DNAH14: variants seen among roughly 807,000 people sequenced by gnomAD.
The protein encoded by DNAH14 is axonemal beta dynein heavy chain 14.
DNAH14 carries 478 observed loss-of-function variants against 520.9 expected under a neutral mutation model. The observed-to-expected ratio is 0.92, with a 90% CI of 0.85 to 0.99. DNAH14 has a LOEUF of 0.99. DNAH14 is among the 50% of genes least tolerant of loss of function. The pLI, the probability that DNAH14 is intolerant of heterozygous loss-of-function variation, is 0.00. For missense variants in DNAH14, 4,831 were observed against 5,234.5 expected (o/e 0.92, Z 2.38); for synonymous variants, 1,581 against 1,757.2 (o/e 0.90, Z 2.51).
In DNAH14 at chr1:225,266,752, GAA is replaced by G; in HGVS notation, c.7528_7529del (p.Asn2510TyrfsTer20). 6.6e-7 allele frequency: 1 copy of G among 1,511,640 alleles called. No individual in the cohort carries two copies. Among genetic ancestry groups the G allele is most frequent in the Non-Finnish European group, 8.8e-7 (1 of 1,135,056 alleles). 93.6% of individuals were successfully genotyped at this position (1,511,640 alleles called of 1,614,324 possible). ...LLDLGGVYDTEKNTWKNIQDL... is the reference protein window; with the variant it reads ...LLDLGGVYDTXKNTWKNIQDL... The stretch of plus-strand genomic sequence containing the variant: ...AGATTTGGGAGGAGTTTATGATACT[GAA>G]AAAAATACATGGAAGGTACAGTATA... On this transcript the variant is annotated frameshift_variant, in exon 49 of 86. Transcript: ENST00000682510. LOFTEE classifies it high-confidence loss of function.
chr1:225,388,332 C>A, intron 81 of DNAH14, 47 bp from the exon 82 acceptor site: 3 of 1,247,408 alleles, frequency 2.4e-6, no homozygotes, highest in South Asian at 1.4e-5. Context: ...CTAATGACCC[C>A]AAAGACAAAG....
intron 60 of DNAH14, among the ~76,000 whole-genome samples, chr1:225,315,265 C>T (rs1297207377): frequency 6.6e-6 from 1 of 151,588 alleles, no homozygotes; most frequent in Non-Finnish European, 1.5e-5. Flanking sequence ...ACGAAGTTTT[C>T]GTGCTGGGTT....
At chr1:225,043,653 G>A (rs1270995078) in intron 13 of DNAH14, 91 bp from the exon 14 acceptor site, 3 of 939,500 alleles carry the variant, frequency 3.2e-6, no homozygotes, top group Non-Finnish European at 4.8e-6. Context: ...TAGGATATGT[G>A]TAAAGCACTG....
chr1:224,978,785 T>C (rs1430820527), intron 8 of DNAH14, among the ~76,000 whole-genome samples: 1 of 152,072 alleles, frequency 6.6e-6, no homozygotes, highest in African/African-American at 2.4e-5. Context: ...GCTACAGGCA[T>C]GCACCACCAT....
chr1:225,324,696 C>T (rs6668011), intron 63 of DNAH14, 41 bp from the exon 64 acceptor site: 79,589 of 1,484,124 alleles, frequency 0.054, 3,543 homozygotes, highest in African/African-American at 0.24. Flanking sequence ...ACAGTAAACC[C>T]GACGTTTTTG....
intron 23 of DNAH14, among the ~76,000 whole-genome samples, chr1:225,110,131 G>A (rs775229563): frequency 6.6e-6 from 1 of 152,034 alleles, no homozygotes; most frequent in Non-Finnish European, 1.5e-5. Context: ...CAGGGATATG[G>A]GCCTGTAGTT....
intron 17 of DNAH14, among the ~76,000 whole-genome samples, chr1:225,069,812 A>T (rs2071337166): frequency 6.6e-6 from 1 of 152,188 alleles, no homozygotes; most frequent in Non-Finnish European, 1.5e-5. Flanking sequence ...CATCTGGTAG[A>T]ATTCAACTGT....
At chr1:225,069,791 CCTT>C (rs781394966) in intron 17 of DNAH14, among the ~76,000 whole-genome samples, 1 of 151,976 alleles carries the variant, frequency 6.6e-6, no homozygotes, top group Non-Finnish European at 1.5e-5. Context: ...TGGTACCAGC[CCTT>C]CTTTGTTCAT....
chr1:225,198,465 C>T (rs763635707), intron 38 of DNAH14, among the ~76,000 whole-genome samples: 1 of 152,172 alleles, frequency 6.6e-6, no homozygotes, highest in Non-Finnish European at 1.5e-5. Flanking sequence ...GATCTGCCCA[C>T]CTCAGCCTCC....
chr1:224,939,740 A>G (rs999667255), intron 1 of DNAH14, among the ~76,000 whole-genome samples: 4 of 152,116 alleles, frequency 2.6e-5, no homozygotes, highest in Admixed American at 6.5e-5. Flanking sequence ...CTGCAAGCCC[A>G]CTATATAAGA....
At chr1:225,181,310 G>A (rs986950130) in intron 36 of DNAH14, among the ~76,000 whole-genome samples, 4 of 152,098 alleles carry the variant, frequency 2.6e-5, no homozygotes, top group African/African-American at 9.7e-5. Flanking sequence ...TACCTTTTTG[G>A]TATAATGATT....
intron 71 of DNAH14, among the ~76,000 whole-genome samples, chr1:225,349,785 T>C (rs929435540): frequency 6.6e-6 from 1 of 151,846 alleles, no homozygotes; most frequent in Non-Finnish European, 1.5e-5. Flanking sequence ...ACCTCAGAGC[T>C]CCCAAATACG....
chr1:225,082,437 G>C, intron 19 of DNAH14, 112 bp from the exon 20 acceptor site: 1 of 796,296 alleles, frequency 1.3e-6, no homozygotes, highest in Non-Finnish European at 1.9e-6. Context: ...TTTAATAATT[G>C]ATAAAGTAGT....
At chr1:225,251,177 C>CTTT (rs35025436) in intron 43 of DNAH14, among the ~76,000 whole-genome samples, 27,946 of 145,834 alleles carry the variant, frequency 0.19, 2,725 homozygotes, top group East Asian at 0.37. Context: ...AAACTATAAA[C>CTTT]TTTTTTTTTT....
At chr1:225,196,374 T>C (rs2086130314) in intron 38 of DNAH14, among the ~76,000 whole-genome samples, 1 of 152,198 alleles carries the variant, frequency 6.6e-6, no homozygotes, top group Non-Finnish European at 1.5e-5. Context: ...TAGTATTCCA[T>C]AGTATACATA....
At chr1:225,332,494 A>G (rs1418574289) in intron 65 of DNAH14, among the ~76,000 whole-genome samples, 1 of 152,128 alleles carries the variant, frequency 6.6e-6, no homozygotes, top group African/African-American at 2.4e-5. Flanking sequence ...ATGGGTTCAG[A>G]TCCCAGCTAC....
chr1:225,129,472 A>G (rs2078143131), intron 27 of DNAH14, among the ~76,000 whole-genome samples: 1 of 151,928 alleles, frequency 6.6e-6, no homozygotes, highest in Non-Finnish European at 1.5e-5. Flanking sequence ...AAACAGAGAT[A>G]TAGATCAATG....
chr1:225,032,035 C>G (rs1489925597), intron 11 of DNAH14, among the ~76,000 whole-genome samples: 3 of 151,406 alleles, frequency 2.0e-5, no homozygotes, highest in Non-Finnish European at 4.4e-5. Flanking sequence ...GTGTAGAGTT[C>G]TAGATAATGT....
At chr1:225,213,558 T>C (rs979902102) in intron 41 of DNAH14, among the ~76,000 whole-genome samples, 1 of 152,212 alleles carries the variant, frequency 6.6e-6, no homozygotes, top group Admixed American at 6.5e-5. Context: ...GTTCTTCCAT[T>C]TGTTTGTGTC....
Sources: allele counts gnomAD v4.1 joint callset (sites outside exome capture counted in the v4.1 genomes callset), GRCh38; gene constraint gnomAD v4.1.1; transcripts MANE v1.5; gene names NCBI Gene and HGNC (gene_info 2026-07-23, HGNC 2026-07-21).